MID1: variants seen among roughly 807,000 people sequenced by gnomAD.
MID1 encodes E3 ubiquitin-protein ligase Midline-1.
MID1 carries 7 observed loss-of-function variants against 40.4 expected under a neutral mutation model. That is an observed-to-expected ratio of 0.17 (90% CI 0.10 to 0.33). MID1 has a LOEUF of 0.33. Ranked by LOEUF, MID1 falls within the 10% of genes least tolerant of loss-of-function variation. The probability of loss-of-function intolerance (pLI) is 1.00; values close to 1 mark genes in which losing one functional copy is unlikely to be tolerated. For missense variants in MID1, 367 were observed against 558.5 expected, an observed-to-expected ratio of 0.66 and a Z score of 3.46; for synonymous variants, 229 against 221.2, an observed-to-expected ratio of 1.04 and a Z score of -0.31.
chrX:10,515,748 TC>T (rs1932366838), intron 3 of MID1, among the ~76,000 whole-genome samples: 1 of 111,996 alleles, frequency 8.9e-6, no homozygotes, highest in African/African-American at 3.2e-5. Context: ...TTCTTGGCCA[TC>T]ATCTTTAGAG....
chrX:10,739,709 G>A (rs1450781496), intron 1 of MID1, among the ~76,000 whole-genome samples: 2 of 112,114 alleles, frequency 1.8e-5, no homozygotes, highest in Non-Finnish European at 3.8e-5. Flanking sequence ...ATGGAAGAGT[G>A]AAAATGTAAA....
intron 1 of MID1, among the ~76,000 whole-genome samples, chrX:10,822,799 A>G (rs1373443993): frequency 1.8e-5 from 2 of 111,953 alleles, no homozygotes; most frequent in Non-Finnish European, 3.8e-5. Context: ...TCAGAATGGC[A>G]ACTATTAAAC....
intron 1 of MID1, among the ~76,000 whole-genome samples, chrX:10,634,904 G>A (rs756299896): frequency 1.9e-4 from 21 of 112,474 alleles, no homozygotes; most frequent in Non-Finnish European, 3.6e-4. Context: ...TTCTGCGCCT[G>A]AGTCCCCCGT....
intron 1 of MID1, among the ~76,000 whole-genome samples, chrX:10,575,643 T>A (rs990070484): frequency 9.0e-5 from 10 of 111,023 alleles, no homozygotes; most frequent in African/African-American, 3.3e-4. Context: ...TCTGGCCAAT[T>A]TGAGAAGCAG....
At chrX:10,600,259 G>A (rs186018679) in intron 1 of MID1, among the ~76,000 whole-genome samples, 165 of 110,324 alleles carry the variant, frequency 1.5e-3, no homozygotes, top group African/African-American at 5.2e-3. Context: ...CCAGGAGTTC[G>A]AGGCCAGCCT....
At chrX:10,459,839 T>A in intron 7 of MID1, 32 bp from the exon 8 acceptor site, 1 of 1,183,056 alleles carries the variant, frequency 8.5e-7, no homozygotes, top group South Asian at 1.8e-5. Flanking sequence ...GTGCAGTTCT[T>A]TGGCACAAGG....
chrX:10,502,422 C>A (rs1242256738), intron 3 of MID1, among the ~76,000 whole-genome samples: 1 of 111,842 alleles, frequency 8.9e-6, no homozygotes, highest in African/African-American at 3.3e-5. Context: ...GACAGGATAA[C>A]CCCAACGTGT....
At chrX:10,484,930 G>A (rs963899297) in intron 4 of MID1, among the ~76,000 whole-genome samples, 1 of 110,392 alleles carries the variant, frequency 9.1e-6, no homozygotes, top group Admixed American at 9.6e-5. Context: ...GTGCATGCGT[G>A]CACGCTGTAT....
intron 1 of MID1, among the ~76,000 whole-genome samples, chrX:10,692,450 C>T: frequency 9.0e-6 from 1 of 111,408 alleles, no homozygotes; most frequent in South Asian, 3.8e-4. Flanking sequence ...CCCATCTCTA[C>T]TAAAAATACA....
rs762146319 is a variant in MID1 at position 10,459,819 on chromosome X, A to G, written c.1286-12T>C. The G allele has an allele frequency of 3.3e-6, 4 of 1,204,690 alleles. No individual in the cohort carries two copies. Among genetic ancestry groups the G allele is most frequent in the East Asian group, 3.0e-5 (1 of 33,839 alleles). ...CGAATTACACAGACCTGCAAAGCCA[A>G]TCAGACATGGTGCAGTTCTTTGGCA... On this transcript the variant is annotated splice_polypyrimidine_tract_variant and intron_variant, in intron 7 of 9. Coordinates refer to ENST00000317552, the MANE Select transcript of MID1 (RefSeq NM_000381.4).
In MID1 at chrX:10,447,029, C is replaced by T. The variant is rs1226561193; in HGVS notation, c.*2339G>A. ...TCAAAAAAAAAATTCACACGGGAATCTTTTCTACATCATTATAGTAATTAA... is the reference window on the plus strand; with the variant it reads ...TCAAAAAAAAAATTCACACGGGAATTTTTTCTACATCATTATAGTAATTAA... On this transcript the variant is annotated 3_prime_UTR_variant, in exon 10 of 10. Coordinates refer to ENST00000317552, the MANE Select transcript of MID1 (RefSeq NM_000381.4). 1 of 111,753 alleles carries T rather than the reference C, an allele frequency of 8.9e-6. No individual in the cohort carries two copies. Among genetic ancestry groups the T allele is most frequent in the Non-Finnish European group, 1.9e-5 (1 of 53,196 alleles). The allele number at this position is 111,753 out of a possible 1,213,427, so 9.2% of individuals were successfully genotyped here. A position where few individuals can be genotyped will look rare whatever the true frequency, so the allele number is the denominator to read the frequency against.
At chrX:10,580,669 T>C (rs1257778681) in intron 1 of MID1, among the ~76,000 whole-genome samples, 1 of 111,599 alleles carries the variant, frequency 9.0e-6, no homozygotes. Context: ...AAAAAATATG[T>C]CTGATTTTGC....
At chrX:10,659,883 T>C (rs1376009330) in intron 1 of MID1, among the ~76,000 whole-genome samples, 1 of 112,167 alleles carries the variant, frequency 8.9e-6, no homozygotes, top group Non-Finnish European at 1.9e-5. Flanking sequence ...CATGTTGTGA[T>C]GGAAAGAAGC....
At chrX:10,696,021 G>T (rs896075861) in intron 1 of MID1, among the ~76,000 whole-genome samples, 30 of 111,176 alleles carry the variant, frequency 2.7e-4, no homozygotes, top group African/African-American at 6.2e-4. Flanking sequence ...TCAGGTGGTT[G>T]TTAACTGTCT....
chrX:10,720,327 A>G (rs1008877076), intron 1 of MID1, among the ~76,000 whole-genome samples: 2 of 112,085 alleles, frequency 1.8e-5, no homozygotes, highest in Non-Finnish European at 3.8e-5. Context: ...TCCAGAATCT[A>G]CAATGAACTC....
intron 2 of MID1, among the ~76,000 whole-genome samples, chrX:10,523,914 G>C (rs1408418855): frequency 2.7e-5 from 3 of 111,897 alleles, no homozygotes; most frequent in Non-Finnish European, 5.6e-5. Context: ...AAGTTATCTA[G>C]AGAGAATTTA....
At chrX:10,613,764 GAGAGACAGAC>G (rs1487749611) in intron 1 of MID1, among the ~76,000 whole-genome samples, 16 of 84,438 alleles carry the variant, frequency 1.9e-4, no homozygotes, top group African/African-American at 8.5e-4. Context: ...GAGAGAGAGA[GAGAGACAGAC>G]AGACAGACAG....
intron 1 of MID1, among the ~76,000 whole-genome samples, chrX:10,824,412 C>T (rs2147161533): frequency 8.9e-6 from 1 of 112,258 alleles, no homozygotes; most frequent in East Asian, 2.8e-4. Flanking sequence ...GATTTATTGG[C>T]AGTAACTATA....
At chrX:10,724,592 G>A (rs1025738645) in intron 1 of MID1, among the ~76,000 whole-genome samples, 8 of 111,929 alleles carry the variant, frequency 7.1e-5, no homozygotes, top group African/African-American at 2.6e-4. Context: ...TTTCCCAACC[G>A]GAAAAAACTC....
Sources: allele counts gnomAD v4.1 joint callset (sites outside exome capture counted in the v4.1 genomes callset), GRCh38; gene constraint gnomAD v4.1.1; transcripts MANE v1.5; gene names NCBI Gene and HGNC (gene_info 2026-07-23, HGNC 2026-07-21).